Variants in TENM2 observed in about 807,000 individuals in gnomAD.
TENM2 encodes the protein teneurin-2.
A neutral mutation model predicts 245.2 loss-of-function variants in TENM2; 52 were observed. The ratio of observed to expected loss-of-function variants is 0.21; its 90% CI spans 0.17 to 0.27. The LOEUF (loss-of-function observed/expected upper bound fraction) is 0.27. TENM2 is among the 10% of genes least tolerant of loss of function. The pLI, the probability that TENM2 is intolerant of heterozygous loss-of-function variation, is 1.00. For missense variants in TENM2, 3,046 were observed against 3,666.8 expected (o/e 0.83, Z 4.37); for synonymous variants, 1,363 against 1,438.9 (o/e 0.95, Z 1.19).
chr5:167,993,696 C>G (rs555357993), intron 5 of TENM2, among the ~76,000 whole-genome samples: 6 of 152,202 alleles, frequency 3.9e-5, no homozygotes, highest in Non-Finnish European at 8.8e-5. Context: ...GAGCATCCAT[C>G]CAGGTCTTTA....
chr5:167,115,373 T>G, the TENM2 span, among the ~76,000 whole-genome samples: 1 of 152,220 alleles, frequency 6.6e-6, no homozygotes, highest in Non-Finnish European at 1.5e-5. Context: ...ACTGCACTTG[T>G]GTGCATTTAT....
chr5:167,363,743 A>AAAG (rs1759858584), intron 1 of TENM2, among the ~76,000 whole-genome samples: 1 of 149,858 alleles, frequency 6.7e-6, no homozygotes, highest in Non-Finnish European at 1.5e-5. Flanking sequence ...AAAAAAAAAA[A>AAAG]AAAGAAAAGA....
chr5:167,331,337 A>G (rs980086783), intron 1 of TENM2, among the ~76,000 whole-genome samples: 3 of 152,158 alleles, frequency 2.0e-5, no homozygotes, highest in Admixed American at 6.5e-5. Context: ...CAGTTGAAAG[A>G]AGAAATTATT....
At chr5:167,314,930 G>T (rs139416910) in intron 1 of TENM2, among the ~76,000 whole-genome samples, 1,579 of 151,822 alleles carry the variant, frequency 0.01, 14 homozygotes, top group Admixed American at 0.014. Flanking sequence ...ACTTCTGTCT[G>T]CTTTTTTCAG....
intron 2 of TENM2, among the ~76,000 whole-genome samples, chr5:167,845,635 A>G (rs1014246186): frequency 4.6e-5 from 7 of 152,164 alleles, no homozygotes; most frequent in African/African-American, 1.7e-4. Context: ...ACCCCACTGA[A>G]GGCATTCAGT....
intron 2 of TENM2, among the ~76,000 whole-genome samples, chr5:167,858,034 C>T (rs1038108972): frequency 5.3e-5 from 8 of 152,222 alleles, no homozygotes; most frequent in Non-Finnish European, 1.2e-4. Flanking sequence ...GGACTTTCTC[C>T]GTAGCTTTCT....
chr5:167,792,883 C>T (rs1460720678), intron 2 of TENM2, among the ~76,000 whole-genome samples: 1 of 152,134 alleles, frequency 6.6e-6, no homozygotes, highest in Non-Finnish European at 1.5e-5. Context: ...TCTGCAGGAG[C>T]CTGCCCCTCT....
intron 7 of TENM2, among the ~76,000 whole-genome samples, chr5:168,080,182 T>C (rs1316913150): frequency 6.6e-6 from 1 of 152,220 alleles, no homozygotes; most frequent in East Asian, 1.9e-4. Flanking sequence ...TCGAGGAATT[T>C]ATCCATTTCT....
chr5:168,255,466 T>C (rs891154993), intron 27 of TENM2, among the ~76,000 whole-genome samples: 5 of 152,078 alleles, frequency 3.3e-5, no homozygotes, highest in Non-Finnish European at 5.9e-5. Context: ...CAAGCTGAGC[T>C]AATTTTTTTG....
intron 1 of TENM2, among the ~76,000 whole-genome samples, chr5:167,288,606 T>G (rs1192862008): frequency 6.6e-6 from 1 of 151,928 alleles, no homozygotes; most frequent in East Asian, 1.9e-4. Context: ...GAACATTTGT[T>G]GAGTAGTTTG....
intron 2 of TENM2, among the ~76,000 whole-genome samples, chr5:167,804,516 G>A (rs111345375): frequency 0.02 from 3,109 of 152,152 alleles, 111 homozygotes; most frequent in African/African-American, 0.071. Flanking sequence ...TCTGCTCTTT[G>A]TTGACTATAT....
chr5:167,746,615 G>T (rs1373692968), intron 2 of TENM2, among the ~76,000 whole-genome samples: 1 of 149,990 alleles, frequency 6.7e-6, no homozygotes, highest in African/African-American at 2.4e-5. Flanking sequence ...CTCACGACTT[G>T]TGTGTCATCT....
intron 2 of TENM2, among the ~76,000 whole-genome samples, chr5:167,705,989 A>T (rs12188128): frequency 0.044 from 2,824 of 63,898 alleles, 42 homozygotes; most frequent in Non-Finnish European, 0.054. Flanking sequence ...ATATATATAT[A>T]TATTTATTTA....
intron 5 of TENM2, among the ~76,000 whole-genome samples, chr5:168,044,105 G>C (rs1788414592): frequency 6.6e-6 from 1 of 152,130 alleles, no homozygotes; most frequent in African/African-American, 2.4e-5. Flanking sequence ...GTCTACTATG[G>C]TACCTGGCTA....
intron 2 of TENM2, among the ~76,000 whole-genome samples, chr5:167,418,875 A>C (rs1214440233): frequency 2.0e-5 from 3 of 152,150 alleles, no homozygotes; most frequent in African/African-American, 7.2e-5. Context: ...CCTTGGCATC[A>C]AGAATAAATA....
Position 168,261,051 on chromosome 5 carries a change from G to A in TENM2, c.7563+638G>A, listed in dbSNP as rs77967285. 4.8e-3 allele frequency among the ~76,000 whole-genome samples: 725 copies of A among 152,260 alleles called. 8 individuals carry two copies. Among genetic ancestry groups the A allele is most frequent in the Middle Eastern group, 0.017 (5 of 294 alleles). Reference sequence around the variant, plus strand: ...TGCTCTGAATAATTGTCCAGATTGTGTAACTATAGAGAGGCAAGGAGGAGC... The same window carrying A: ...TGCTCTGAATAATTGTCCAGATTGTATAACTATAGAGAGGCAAGGAGGAGC... On this transcript the variant is annotated intron_variant, in intron 28 of 28. Coordinates refer to ENST00000518659, the Ensembl canonical transcript of TENM2.
At chr5:168,183,715 C>G (rs369089130) in intron 13 of TENM2, among the ~76,000 whole-genome samples, 1 of 151,990 alleles carries the variant, frequency 6.6e-6, no homozygotes, top group African/African-American at 2.4e-5. Context: ...ATCTCAAAAA[C>G]GACCCTGAGT....
chr5:167,390,585 A>G (rs1210120329), intron 2 of TENM2, among the ~76,000 whole-genome samples: 1 of 152,192 alleles, frequency 6.6e-6, no homozygotes. Flanking sequence ...ATCTCAGTAC[A>G]TAAGAAAAGA....
At chr5:167,104,799 G>A in the TENM2 span, among the ~76,000 whole-genome samples, 1 of 152,146 alleles carries the variant, frequency 6.6e-6, no homozygotes, top group East Asian at 1.9e-4. Context: ...GAGCTTATCA[G>A]TAGAACTCCA....
Sources: gnomAD v4.1 joint callset for allele counts (sites outside exome capture counted in the v4.1 genomes callset) on GRCh38, gnomAD v4.1.1 for gene constraint, MANE v1.5 for transcripts, NCBI Gene and HGNC (gene_info 2026-07-23, HGNC 2026-07-21) for gene names.